Variants in PSD3 observed in about 807,000 individuals in gnomAD.
The protein encoded by PSD3 is PH and SEC7 domain-containing protein 3.
In PSD3, 49 loss-of-function variants were observed where a neutral mutation model predicts 105.5. That is an observed-to-expected ratio of 0.46 (90% CI 0.37 to 0.59). The LOEUF (loss-of-function observed/expected upper bound fraction) is 0.59. PSD3 is among the 20% of genes least tolerant of loss of function. The pLI is 0.00. For missense variants in PSD3, 1,561 were observed against 1,263.8 expected (o/e 1.24, Z -3.57); for synonymous variants, 557 against 457.8 (o/e 1.22, Z -2.77).
Position 18,529,993 on chromosome 8 carries a change from A to G in PSD3, c.*5750T>C, listed in dbSNP as rs1276942575. ...ATAGAGTTAATTAACAACAACAAAAAAATGCCTCAAGTGTAACTACCAACA... is the reference window on the plus strand; with the variant it reads ...ATAGAGTTAATTAACAACAACAAAAGAATGCCTCAAGTGTAACTACCAACA... On this transcript the variant is annotated 3_prime_UTR_variant, in exon 16 of 16. Transcript: ENST00000327040. 1 of 152,382 alleles carries G rather than the reference A, an allele frequency of 6.6e-6. No individual in the cohort carries two copies. Among genetic ancestry groups the G allele is most frequent in the Non-Finnish European group, 1.5e-5 (1 of 68,036 alleles). The allele number at this position is 152,382 out of a possible 1,614,324, so 9.4% of individuals were successfully genotyped here. A position where few individuals can be genotyped will look rare whatever the true frequency, so the allele number is the denominator to read the frequency against.
At chr8:18,548,202 T>G (rs1800561940) in intron 15 of PSD3, among the ~76,000 whole-genome samples, 2 of 152,174 alleles carry the variant, frequency 1.3e-5, no homozygotes, top group African/African-American at 4.8e-5. Context: ...TTGTATTGTT[T>G]CCCTGATTTC....
At chr8:18,800,203 G>A (rs936676885) in intron 7 of PSD3, among the ~76,000 whole-genome samples, 1 of 152,140 alleles carries the variant, frequency 6.6e-6, no homozygotes, top group African/African-American at 2.4e-5. Flanking sequence ...ATCCAAGAAT[G>A]TAAACATATT....
chr8:18,588,008 C>T (rs1353476803), intron 12 of PSD3, among the ~76,000 whole-genome samples: 2 of 152,154 alleles, frequency 1.3e-5, no homozygotes, highest in Non-Finnish European at 2.9e-5. Context: ...ATGCACACAT[C>T]ACCAGGATTA....
At chr8:18,739,238 C>T (rs1452201567) in intron 9 of PSD3, among the ~76,000 whole-genome samples, 1 of 152,076 alleles carries the variant, frequency 6.6e-6, no homozygotes, top group African/African-American at 2.4e-5. Context: ...GCAGATGATT[C>T]CCCCACAAAA....
chr8:18,986,930 T>C (rs77539956), intron 1 of PSD3, among the ~76,000 whole-genome samples: 5,639 of 152,196 alleles, frequency 0.037, 382 homozygotes, highest in African/African-American at 0.13. Flanking sequence ...TTATGCTTAG[T>C]GTTCCATTAA....
At chr8:18,723,066 G>T (rs1376596781) in intron 9 of PSD3, among the ~76,000 whole-genome samples, 1 of 152,158 alleles carries the variant, frequency 6.6e-6, no homozygotes, top group African/African-American at 2.4e-5. Flanking sequence ...ACAGGTGCTT[G>T]AGAAAAACAA....
intron 9 of PSD3, among the ~76,000 whole-genome samples, chr8:18,727,824 T>A (rs867521081): frequency 3.5e-4 from 54 of 152,246 alleles, no homozygotes; most frequent in African/African-American, 1.3e-3. Context: ...AGGAAAACCA[T>A]TCAAAGTCCA....
rs781236084 is a variant in PSD3, at chr8:18,872,585, A to G, written c.279T>C (p.Gly93=). ...AGTGGCAGCCAGTAAGAGGCTGGAC[A>G]CCCTGCTGCTCTTGTGGGTGGCATG... ...ALPCHPQEQQ[G]VQPLTGCHSG... is the part of the protein sequence containing the mutation. Residue 93 remains glycine, a synonymous_variant, in exon 3 of 16, where the codon GGT becomes GGC. Coordinates refer to ENST00000327040, the MANE Select transcript of PSD3 (RefSeq NM_015310.4). The G allele has an allele frequency of 2.4e-5, 39 of 1,613,942 alleles. No homozygotes were observed. The highest frequency in any genetic ancestry group is 3.2e-5 in the Non-Finnish European group (38 of 1,180,020).
intron 12 of PSD3, among the ~76,000 whole-genome samples, chr8:18,591,378 C>A (rs11779630): frequency 2.6e-5 from 4 of 152,222 alleles, no homozygotes; most frequent in South Asian, 4.1e-4. Context: ...TACCTGGGCA[C>A]TGCTAAGAAC....
At chr8:18,552,345 A>G (rs1270428187) in intron 15 of PSD3, among the ~76,000 whole-genome samples, 9 of 152,208 alleles carry the variant, frequency 5.9e-5, no homozygotes, top group African/African-American at 1.9e-4. Context: ...AACATCTTAA[A>G]TGTTGCAGGA....
intron 9 of PSD3, among the ~76,000 whole-genome samples, chr8:18,666,731 T>G (rs376861989): frequency 0.024 from 2,987 of 122,060 alleles, 28 homozygotes; most frequent in Admixed American, 0.056. Context: ...TTTTGGGGGG[T>G]GGGGGGAAGT....
intron 1 of PSD3, among the ~76,000 whole-genome samples, chr8:18,958,929 T>TTC (rs201658026): frequency 0.27 from 40,957 of 150,182 alleles, 5,842 homozygotes; most frequent in African/African-American, 0.35. Context: ...GTTTTTTTTT[T>TTC]TTTTCTTTTG....
At chr8:18,912,668 G>C (rs1171256039) in intron 2 of PSD3, among the ~76,000 whole-genome samples, 1 of 152,104 alleles carries the variant, frequency 6.6e-6, no homozygotes, top group African/African-American at 2.4e-5. Context: ...TCCACAACCT[G>C]ACCAGGGCTG....
chr8:18,753,876 G>C (rs1431349818), intron 9 of PSD3, among the ~76,000 whole-genome samples: 2 of 152,062 alleles, frequency 1.3e-5, no homozygotes, highest in Non-Finnish European at 2.9e-5. Context: ...CATTCTGAGA[G>C]GCTACTGACG....
At chr8:18,841,635 T>A (rs1814637168) in intron 4 of PSD3, among the ~76,000 whole-genome samples, 1 of 152,134 alleles carries the variant, frequency 6.6e-6, no homozygotes, top group African/African-American at 2.4e-5. Flanking sequence ...TGTGCCCAGC[T>A]AGTATCAACC....
At position 18,868,073 on chromosome 8, in the gene PSD3, G is replaced by T; in HGVS notation, c.1239-4C>A. On this transcript the variant is annotated splice_region_variant and splice_polypyrimidine_tract_variant and intron_variant, in intron 3 of 15. Coordinates refer to ENST00000327040, the MANE Select transcript of PSD3 (RefSeq NM_015310.4). ...GTGCTCCTCTTGTTCGCTGATCCTGGAAAGTAAATAAGAGTGAAGAATTCC... is the reference window on the plus strand; with the variant it reads ...GTGCTCCTCTTGTTCGCTGATCCTGTAAAGTAAATAAGAGTGAAGAATTCC... The T allele has an allele frequency of 6.3e-7, 1 of 1,591,512 alleles. No homozygotes were observed. Among genetic ancestry groups the T allele is most frequent in the Non-Finnish European group, 8.5e-7 (1 of 1,169,876 alleles).
In PSD3 at chr8:18,867,951, A is replaced by T; in HGVS notation, c.1357T>A (p.Ser453Thr). The change falls in exon 4 of 16, where the codon TCT (serine) becomes ACT (threonine). Residue 453 changes from serine to threonine, a missense_variant. By Grantham distance (58) the Ser-to-Thr change is moderately conservative. Coordinates refer to ENST00000327040, the MANE Select transcript of PSD3 (RefSeq NM_015310.4). ...AGGGACTCTGCACTGTAGTATAAAG[A>T]AGTGTTGTCCAAAATGGTTTCAAAC... ...SQFETILDNTSLYYSAESLET... is the reference protein window; with the variant it reads ...SQFETILDNTTLYYSAESLET... 1.9e-6 allele frequency: 3 copies of T among 1,614,212 alleles called. No homozygotes were observed. In the South Asian group the frequency reaches 3.3e-5, roughly 18 times the overall value.
At chr8:18,842,308 C>A (rs952447263) in intron 4 of PSD3, among the ~76,000 whole-genome samples, 1 of 152,212 alleles carries the variant, frequency 6.6e-6, no homozygotes, top group African/African-American at 2.4e-5. Flanking sequence ...CATTTTATAA[C>A]CCTTTTGCGC....
chr8:19,038,526 G>C (rs1469068518), intron 1 of PSD3, among the ~76,000 whole-genome samples: 1 of 152,170 alleles, frequency 6.6e-6, no homozygotes, highest in African/African-American at 2.4e-5. Flanking sequence ...CAGTGCAGTA[G>C]TGCAACTTAC....
Sources: allele counts gnomAD v4.1 joint callset (sites outside exome capture counted in the v4.1 genomes callset), GRCh38; gene constraint gnomAD v4.1.1; transcripts MANE v1.5; gene names NCBI Gene and HGNC (gene_info 2026-07-23, HGNC 2026-07-21).